Variants in RGS12 observed in about 807,000 individuals in gnomAD.
RGS12 encodes the protein regulator of G protein signaling 12, also known as regulator of G-protein signaling 12.
Under a neutral mutation model 120.1 loss-of-function variants are expected in RGS12, and 66 were observed. The observed-to-expected ratio is 0.55, with a 90% CI of 0.45 to 0.67. RGS12 has a LOEUF of 0.67. RGS12 is among the 30% of genes least tolerant of loss of function. The pLI, the probability that RGS12 is intolerant of heterozygous loss-of-function variation, is 0.00. For synonymous variants in RGS12, 827 were observed against 804.7 expected (o/e 1.03, Z -0.47); for missense variants, 1,859 against 1,957.7 (o/e 0.95, Z 0.95).
At chr4:3,427,763 G>A (rs1723808297) in intron 14 of RGS12, among the ~76,000 whole-genome samples, 2 of 152,128 alleles carry the variant, frequency 1.3e-5, no homozygotes, top group Non-Finnish European at 2.9e-5. Flanking sequence ...AAAGAAAAGA[G>A]AAAGAAAATA....
Position 3,433,756 on chromosome 4 carries a change from C to T in RGS12, c.4114+2801C>T, listed in dbSNP as rs777292639. Among the ~76,000 whole-genome samples, 2 of 152,182 alleles carry T rather than the reference C, an allele frequency of 1.3e-5. No homozygotes were observed. Among genetic ancestry groups the T allele is most frequent in the South Asian group, 2.1e-4 (1 of 4,826 alleles). On this transcript the variant is annotated intron_variant, in intron 17 of 17. Transcript: ENST00000336727. The surrounding 1 kb of genome is among the most constrained non-coding windows in gnomAD (Gnocchi z 4.4). ...CTTCTAGCCCCAGCGCCACACGCCA[C>T]GCGGCACTCCACCCCGTCTGTCTAG... is the stretch of plus-strand genomic sequence containing the variant.
At chr4:3,376,535 C>T (rs16844223) in intron 3 of RGS12, among the ~76,000 whole-genome samples, 2,745 of 152,314 alleles carry the variant, frequency 0.018, 68 homozygotes, top group African/African-American at 0.059. Context: ...AGACCCTGCT[C>T]ACAGGCATGC....
At chr4:3,305,722 C>T (rs557094821) in intron 1 of RGS12, among the ~76,000 whole-genome samples, 2 of 152,306 alleles carry the variant, frequency 1.3e-5, no homozygotes, top group South Asian at 4.2e-4. Context: ...GTGGGCCTCA[C>T]TTCCGAGACC....
chr4:3,404,847 CA>C (rs1720943939), intron 4 of RGS12, among the ~76,000 whole-genome samples: 1 of 152,320 alleles, frequency 6.6e-6, no homozygotes, highest in Non-Finnish European at 1.5e-5. Flanking sequence ...CTCTGTGGAG[CA>C]AAGACTAATT....
chr4:3,355,054 A>G (rs1229658193), intron 3 of RGS12, among the ~76,000 whole-genome samples: 4 of 152,242 alleles, frequency 2.6e-5, no homozygotes, highest in Non-Finnish European at 2.9e-5. Context: ...AGAATCCTAA[A>G]CAAAACATTA....
chr4:3,289,392 CG>C (rs1722964489), upstream of RGS12, among the ~76,000 whole-genome samples: 4 of 152,022 alleles, frequency 2.6e-5, no homozygotes, highest in South Asian at 8.3e-4. Flanking sequence ...TTGGTAGAGA[CG>C]GGGTTTCACT....
intron 1 of RGS12, among the ~76,000 whole-genome samples, chr4:3,302,600 G>C (rs867866040): frequency 6.6e-6 from 1 of 152,200 alleles, no homozygotes; most frequent in Admixed American, 6.5e-5. Flanking sequence ...CCCCTTGCAC[G>C]GGGGCCTGTG....
intron 2 of RGS12, among the ~76,000 whole-genome samples, chr4:3,330,829 G>A (rs1177141547): frequency 1.3e-5 from 2 of 152,212 alleles, no homozygotes; most frequent in Non-Finnish European, 2.9e-5. Flanking sequence ...CTCTCCACAT[G>A]TGGCTTTTGC....
intron 12 of RGS12, 99 bp downstream of exon 12, chr4:3,423,077 G>T: frequency 1.1e-6 from 1 of 896,960 alleles, no homozygotes; most frequent in Non-Finnish European, 1.8e-6. Flanking sequence ...GCCTGTGGAT[G>T]CTCCATGCTG....
upstream of RGS12, among the ~76,000 whole-genome samples, chr4:3,292,720 C>G (rs542892151): frequency 1.3e-5 from 2 of 152,364 alleles, no homozygotes; most frequent in African/African-American, 4.8e-5. Context: ...CTCCCAGCAC[C>G]AGGGCCGGGC....
At chr4:3,401,100 A>C (rs1224730657) in intron 4 of RGS12, among the ~76,000 whole-genome samples, 1 of 152,244 alleles carries the variant, frequency 6.6e-6, no homozygotes, top group African/African-American at 2.4e-5. Context: ...GGCAGAGTTC[A>C]GTGAGATCAA....
intron 14 of RGS12, chr4:3,426,719 A>G (rs925641183): frequency 6.6e-6 from 1 of 151,978 alleles, no homozygotes; most frequent in Non-Finnish European, 1.5e-5. Flanking sequence ...CCTTGTTGAG[A>G]ACCGTGCGTG....
intron 2 of RGS12, among the ~76,000 whole-genome samples, chr4:3,327,482 G>A (rs1374581530): frequency 3.3e-5 from 5 of 152,200 alleles, no homozygotes; most frequent in Non-Finnish European, 5.9e-5. Flanking sequence ...TCAACAGAGT[G>A]AACAGATAGC....
chr4:3,389,249 CAA>C lies in RGS12; in HGVS notation c.2020+2814_2020+2815del, dbSNP rs1371305801. ...CTGATAATGGCCACCCGTTTGTAGC[CAA>C]AGAGTGCCCTCGGGAAAAAGGGTTA... On this transcript the variant is annotated intron_variant, in intron 4 of 17. Transcript: ENST00000336727. This position sits in a 1 kb window ranked among gnomAD's most constrained non-coding sequence, Gnocchi z 5.2. Among the ~76,000 whole-genome samples, 1 of 151,986 alleles carries C rather than the reference CAA, an allele frequency of 6.6e-6. No homozygotes were observed. The highest frequency in any genetic ancestry group is 1.9e-4 in the East Asian group (1 of 5,182).
In RGS12 at chr4:3,390,700, C is replaced by T. The variant is rs988713704; in HGVS notation, c.2020+4263C>T. ...ACCTGCAGCTCCACAGCTGACAGGC[C>T]GATCTCTTGGGGCAAGTCACTTTCT... On this transcript the variant is annotated intron_variant, in intron 4 of 17. Transcript: ENST00000336727. This position sits in a 1 kb window ranked among gnomAD's most constrained non-coding sequence, Gnocchi z 4.6. 1.3e-5 allele frequency among the ~76,000 whole-genome samples: 2 copies of T among 152,186 alleles called. No individual in the cohort carries two copies. The highest frequency in any genetic ancestry group is 2.9e-5 in the Non-Finnish European group (2 of 68,040).
chr4:3,294,823 G>A (rs1204712984), intron 1 of RGS12, among the ~76,000 whole-genome samples: 2 of 152,240 alleles, frequency 1.3e-5, no homozygotes, highest in Non-Finnish European at 2.9e-5. Context: ...AGAGGGAGGA[G>A]CGACAGGGCA....
At chr4:3,340,356 G>T (rs191843639) in intron 2 of RGS12, among the ~76,000 whole-genome samples, 44 of 152,348 alleles carry the variant, frequency 2.9e-4, no homozygotes, top group African/African-American at 1.0e-3. Context: ...TGGTGGGAAG[G>T]AAAAGACCCA....
At chr4:3,310,007 C>T (rs1283792829) in intron 1 of RGS12, among the ~76,000 whole-genome samples, 7 of 142,534 alleles carry the variant, frequency 4.9e-5, no homozygotes, top group Non-Finnish European at 7.7e-5. Flanking sequence ...TGAGGGGAAC[C>T]GTGTGGGGGA....
At chr4:3,333,739 G>A (rs917673870) in intron 2 of RGS12, among the ~76,000 whole-genome samples, 2 of 152,084 alleles carry the variant, frequency 1.3e-5, no homozygotes, top group South Asian at 2.1e-4. Context: ...TTTATAATAC[G>A]TCTTTCTGTC....
Sources: gnomAD v4.1 joint callset for allele counts (sites outside exome capture counted in the v4.1 genomes callset) on GRCh38, gnomAD v4.1.1 for gene constraint, Gnocchi (gnomAD v3.1) non-coding constraint, MANE v1.5 for transcripts, NCBI Gene and HGNC (gene_info 2026-07-23, HGNC 2026-07-21) for gene names.